Variants in ADGRD1 observed in about 807,000 individuals in gnomAD.
ADGRD1 encodes adhesion G protein-coupled receptor D1.
A neutral mutation model predicts 113.4 loss-of-function variants in ADGRD1; 77 were observed. The ratio of observed to expected loss-of-function variants is 0.68; its 90% CI spans 0.57 to 0.82. The LOEUF (loss-of-function observed/expected upper bound fraction) is 0.82, where lower values mean the gene tolerates loss of function less well. Ranked by LOEUF, ADGRD1 falls within the 40% of genes least tolerant of loss-of-function variation. The pLI, the probability that ADGRD1 is intolerant of heterozygous loss-of-function variation, is 0.00. For missense variants in ADGRD1, 1,036 were observed against 1,139.1 expected (o/e 0.91, Z 1.30); for synonymous variants, 474 against 475.0 (o/e 1.00, Z 0.03).
chr12:131,122,778 C>T (rs1950630070), intron 20 of ADGRD1, among the ~76,000 whole-genome samples: 1 of 152,218 alleles, frequency 6.6e-6, no homozygotes, highest in African/African-American at 2.4e-5. Flanking sequence ...ATCTGGCTTT[C>T]ATGTCTGACC....
At chr12:131,017,287 TGC>T (rs1878682021) in intron 13 of ADGRD1, among the ~76,000 whole-genome samples, 2 of 111,496 alleles carry the variant, frequency 1.8e-5, no homozygotes, top group South Asian at 3.2e-4. Flanking sequence ...ACACACCCAG[TGC>T]ACACAGTCCA....
chr12:131,111,712 C>G lies in ADGRD1; in HGVS notation c.2041+2835C>G, dbSNP rs1376805225. ...ACTTTGGATCTATTTTGGAACCCCT[C>G]TAGTGGATTTTTAAAATTTCAGTTA... On this transcript the variant is annotated intron_variant, in intron 18 of 24. Coordinates refer to ENST00000261654, the MANE Select transcript of ADGRD1 (RefSeq NM_198827.5). Among the ~76,000 whole-genome samples the G allele has an allele frequency of 2.0e-5, 3 of 152,028 alleles. No homozygotes were observed. The South Asian group carries it at 6.2e-4, about 32-fold the overall frequency.
At chr12:131,019,051 A>G (rs1412199191) in intron 13 of ADGRD1, among the ~76,000 whole-genome samples, 10 of 152,216 alleles carry the variant, frequency 6.6e-5, no homozygotes, top group African/African-American at 2.4e-4. Context: ...TGCACACTTC[A>G]GAGCCCTGCA....
intron 20 of ADGRD1, among the ~76,000 whole-genome samples, chr12:131,121,198 C>T (rs1950584808): frequency 1.3e-5 from 2 of 152,178 alleles, no homozygotes; most frequent in African/African-American, 4.8e-5. Context: ...AGCACAGGCG[C>T]GGGCTCGTCC....
intron 6 of ADGRD1, chr12:130,990,008 CCA>C (rs1253323999): frequency 2.0e-5 from 3 of 152,274 alleles, no homozygotes; most frequent in African/African-American, 7.2e-5. Context: ...CATTTTCACC[CCA>C]GTCTCCATGG....
chr12:131,106,952 T>C (rs1208224726), intron 17 of ADGRD1, among the ~76,000 whole-genome samples: 1 of 152,226 alleles, frequency 6.6e-6, no homozygotes, highest in African/African-American at 2.4e-5. Context: ...CTCAGAATGC[T>C]GTATTTCTAT....
chr12:131,075,634 T>G lies in ADGRD1; in HGVS notation c.1474-1167T>G, dbSNP rs1885543797. On this transcript the variant is annotated intron_variant, in intron 13 of 24. Transcript: ENST00000261654. The surrounding 1 kb of genome is among the most constrained non-coding windows in gnomAD (Gnocchi z 5.3). ...AGCTGTCAGACAGATGCTGCGATGA[T>G]AGCCCTGTGAGTCCTTTGGTTCTGC... Among the ~76,000 whole-genome samples, 1 of 152,228 alleles carries G rather than the reference T, an allele frequency of 6.6e-6. No homozygotes were observed. The highest frequency in any genetic ancestry group is 1.5e-5 in the Non-Finnish European group (1 of 68,040).
chr12:130,959,652 A>C (rs1213996653), intron 2 of ADGRD1, among the ~76,000 whole-genome samples: 2 of 152,202 alleles, frequency 1.3e-5, no homozygotes, highest in Non-Finnish European at 2.9e-5. Flanking sequence ...GCGTCAATAA[A>C]GCTAGCCAAC....
At chr12:131,056,781 T>C (rs925301804) in intron 13 of ADGRD1, among the ~76,000 whole-genome samples, 3 of 152,222 alleles carry the variant, frequency 2.0e-5, no homozygotes, top group Non-Finnish European at 4.4e-5. Context: ...CCCCTGGTTC[T>C]AGCGTGGACC....
chr12:131,073,608 G>C (rs1444539007), intron 13 of ADGRD1, among the ~76,000 whole-genome samples: 1 of 152,216 alleles, frequency 6.6e-6, no homozygotes. Flanking sequence ...TCCATTTTCT[G>C]TTGTTATAAT....
chr12:131,003,109 GTGCCTGGTGCACC>G lies in ADGRD1; in HGVS notation c.1027-65_1027-53del, dbSNP rs1415742893. 1 of 1,158,776 alleles carries G rather than the reference GTGCCTGGTGCACC, an allele frequency of 8.6e-7. No homozygotes were observed. Among genetic ancestry groups the G allele is most frequent in the African/African-American group, 1.5e-5 (1 of 66,066 alleles). 71.8% of individuals were successfully genotyped at this position (1,158,776 alleles called of 1,614,324 possible). On this transcript the variant is annotated intron_variant, in intron 9 of 24. Coordinates refer to ENST00000261654, the MANE Select transcript of ADGRD1 (RefSeq NM_198827.5). The surrounding 1 kb of genome is among the most constrained non-coding windows in gnomAD (Gnocchi z 4.8). ...CCAACGTGGGGAAACTTGATTTTGT[GTGCCTGGTGCACC>G]TGCCTGGTGCCCTGGCTGAGTGGGG...
chr12:131,105,147 T>G (rs1950201637), intron 16 of ADGRD1, among the ~76,000 whole-genome samples: 2 of 152,188 alleles, frequency 1.3e-5, no homozygotes, highest in African/African-American at 2.4e-5. Flanking sequence ...TGGGGACACC[T>G]CAGCCCTGTG....
intron 18 of ADGRD1, among the ~76,000 whole-genome samples, chr12:131,114,061 G>A (rs1474946450): frequency 2.0e-5 from 3 of 152,206 alleles, no homozygotes; most frequent in Non-Finnish European, 4.4e-5. Flanking sequence ...AACGAAAAGT[G>A]TCTGCAGGAT....
intron 8 of ADGRD1, among the ~76,000 whole-genome samples, chr12:130,994,713 A>G (rs1257831664): frequency 6.6e-6 from 1 of 152,236 alleles, no homozygotes; most frequent in Non-Finnish European, 1.5e-5. Context: ...AATGAGCCAC[A>G]GTTGCATGCT....
chr12:131,006,824 T>C (rs1320182384), intron 12 of ADGRD1, among the ~76,000 whole-genome samples: 1 of 152,184 alleles, frequency 6.6e-6, no homozygotes, highest in Non-Finnish European at 1.5e-5. Context: ...TGCTTACCGA[T>C]TTCCTCCTAA....
rs150604658 is a variant in ADGRD1 at position 130,974,688 on chromosome 12, C to T, written c.310+3108C>T. Among the ~76,000 whole-genome samples, 22 of 152,306 alleles carry T rather than the reference C, an allele frequency of 1.4e-4. No individual in the cohort carries two copies. In the East Asian group the frequency reaches 4.3e-3, roughly 29 times the overall value. Reference sequence around the variant, plus strand: ...TCTGATTTCCAAATCCTGATGTGGTCTCTGTTCATATTTTCAGCGATTTTT... The same window carrying T: ...TCTGATTTCCAAATCCTGATGTGGTTTCTGTTCATATTTTCAGCGATTTTT... On this transcript the variant is annotated intron_variant, in intron 4 of 24. Transcript: ENST00000261654.
At chr12:131,074,049 T>C (rs1471043834) in intron 13 of ADGRD1, among the ~76,000 whole-genome samples, 1 of 152,232 alleles carries the variant, frequency 6.6e-6, no homozygotes, top group Non-Finnish European at 1.5e-5. Flanking sequence ...ACAAGGGGCA[T>C]TAACAGGCTA....
At chr12:131,023,660 T>TG (rs1334775686) in intron 13 of ADGRD1, 3 of 152,188 alleles carry the variant, frequency 2.0e-5, no homozygotes, top group African/African-American at 7.2e-5. Context: ...CCCCACTGTG[T>TG]GGGTTTACTG....
At chr12:131,124,908 C>T (rs369272056) in intron 20 of ADGRD1, among the ~76,000 whole-genome samples, 2 of 152,200 alleles carry the variant, frequency 1.3e-5, no homozygotes, top group East Asian at 1.9e-4. Flanking sequence ...CACGGGACCA[C>T]AGGCTGCACA....
Sources: gnomAD v4.1 joint callset for allele counts (sites outside exome capture counted in the v4.1 genomes callset) on GRCh38, gnomAD v4.1.1 for gene constraint, Gnocchi (gnomAD v3.1) non-coding constraint, MANE v1.5 for transcripts, NCBI Gene and HGNC (gene_info 2026-07-23, HGNC 2026-07-21) for gene names.